CLUL1: variants seen among roughly 807,000 people sequenced by gnomAD.
The protein encoded by CLUL1 is clusterin like 1.
Under a neutral mutation model 49.4 loss-of-function variants are expected in CLUL1, and 43 were observed. The ratio of observed to expected loss-of-function variants is 0.87; its 90% confidence interval spans 0.68 to 1.12. The LOEUF (loss-of-function observed/expected upper bound fraction) is 1.12, where lower values mean the gene tolerates loss of function less well. CLUL1 is among the 50% of genes most tolerant of loss of function. The probability of loss-of-function intolerance (pLI) is 0.00; values close to 1 mark genes in which losing one functional copy is unlikely to be tolerated. For missense variants in CLUL1, 486 were observed against 544.4 expected (o/e 0.89, Z 1.07); for synonymous variants, 192 against 184.9 (o/e 1.04, Z -0.31).
intron 8 of CLUL1, among the ~76,000 whole-genome samples, chr18:642,200 G>C (rs1045287332): frequency 6.6e-6 from 1 of 152,204 alleles, no homozygotes; most frequent in Non-Finnish European, 1.5e-5. Context: ...GGAGGCTGAG[G>C]TGGGTGGATC....
At chr18:627,721 T>G (rs371003426) in intron 6 of CLUL1, 192 bp downstream of exon 6, 12 of 486,434 alleles carry the variant, frequency 2.5e-5, no homozygotes, top group African/African-American at 2.1e-4. Flanking sequence ...CCATCATCGT[T>G]GAGAACTGAA....
At chr18:601,272 C>T (rs546320593) in intron 1 of CLUL1, among the ~76,000 whole-genome samples, 1 of 152,274 alleles carries the variant, frequency 6.6e-6, no homozygotes, top group Non-Finnish European at 1.5e-5. Flanking sequence ...GAGATATTAG[C>T]CTGAACTCAG....
Position 649,983 on chromosome 18 carries a change from A to T in CLUL1, c.*82A>T, listed in dbSNP as rs2074633064. On this transcript the variant is annotated 3_prime_UTR_variant, in exon 10 of 10. Transcript: ENST00000692774. Reference sequence around the variant, plus strand: ...GGAAATCCTGAAATAAAAAAGGATAATGCAATAAACACAGTTGCAGGAAAG... The same window carrying T: ...GGAAATCCTGAAATAAAAAAGGATATTGCAATAAACACAGTTGCAGGAAAG... The T allele has an allele frequency of 2.1e-6, 2 of 971,814 alleles. No homozygotes were observed. Among genetic ancestry groups the T allele is most frequent in the South Asian group, 2.9e-5 (2 of 67,816 alleles). The allele number at this position is 971,814 out of a possible 1,614,324, so 60.2% of individuals were successfully genotyped here. A position where few individuals can be genotyped will look rare whatever the true frequency, so the allele number is the denominator to read the frequency against.
At position 606,950 on chromosome 18, in the gene CLUL1, C is replaced by A. The variant is rs1186629994; in HGVS notation, c.-135-28C>A. The A allele has an allele frequency of 3.3e-6, 2 of 602,046 alleles. No individual in the cohort carries two copies. Among genetic ancestry groups the A allele is most frequent in the South Asian group, 2.0e-5 (1 of 49,702 alleles). The allele number at this position is 602,046 out of a possible 1,614,324, so 37.3% of individuals were successfully genotyped here. ...AATTTTAGGCGGCTCCCTAAAATTTCTTTTCTTTTTTCTTTTCTTTTCTTT... is the reference window on the plus strand; with the variant it reads ...AATTTTAGGCGGCTCCCTAAAATTTATTTTCTTTTTTCTTTTCTTTTCTTT... On this transcript the variant is annotated intron_variant, in intron 1 of 9. Transcript: ENST00000692774. The surrounding 1 kb of genome is among the most constrained non-coding windows in gnomAD (Gnocchi z 4.1).
chr18:641,658 T>C, intron 8 of CLUL1, 117 bp downstream of exon 8: 1 of 851,236 alleles, frequency 1.2e-6, no homozygotes, highest in Non-Finnish European at 1.8e-6. Flanking sequence ...GGTATTCATA[T>C]TTCCATTGTG....
intron 5 of CLUL1, among the ~76,000 whole-genome samples, 161 bp from the exon 6 acceptor site, chr18:626,936 A>AG (rs1567966723): frequency 0.099 from 287 of 2,906 alleles, 92 homozygotes; most frequent in Middle Eastern, 0.5. Context: ...AGAAGGAAAG[A>AG]AGGAAAGAAG....
At chr18:617,064 T>C (rs1436543598) in intron 2 of CLUL1, among the ~76,000 whole-genome samples, 1 of 152,246 alleles carries the variant, frequency 6.6e-6, no homozygotes, top group African/African-American at 2.4e-5. Flanking sequence ...TTCTAACTTA[T>C]TTAACTTTTC....
intron 2 of CLUL1, chr18:613,046 G>T: frequency 3.1e-6 from 1 of 321,364 alleles, no homozygotes; most frequent in Non-Finnish European, 5.7e-6. Context: ...TTCTCATTTT[G>T]TATTCAAACT....
intron 6 of CLUL1, among the ~76,000 whole-genome samples, chr18:630,745 G>A (rs1368604834): frequency 8.0e-6 from 1 of 125,654 alleles, no homozygotes; most frequent in Non-Finnish European, 1.6e-5. Context: ...GGAGTGCAGT[G>A]GTGCGATCTT....
intron 2 of CLUL1, among the ~76,000 whole-genome samples, chr18:612,244 A>G (rs1009086109): frequency 6.6e-5 from 10 of 152,202 alleles, no homozygotes; most frequent in Non-Finnish European, 1.2e-4. Context: ...TCTTGCTTCA[A>G]AAAATGTATG....
chr18:619,541 G>C (rs1363896629), intron 4 of CLUL1, among the ~76,000 whole-genome samples, 180 bp downstream of exon 4: 1 of 152,138 alleles, frequency 6.6e-6, no homozygotes, highest in Non-Finnish European at 1.5e-5. Context: ...ATTTCGTGTA[G>C]GATAGGCTTC....
Position 645,061 on chromosome 18 carries a change from A to C in CLUL1, c.1361A>C (p.Lys454Thr), listed in dbSNP as rs1340019442. The C allele has an allele frequency of 6.2e-7, 1 of 1,610,826 alleles. No homozygotes were observed. The highest frequency in any genetic ancestry group is 1.3e-5 in the African/African-American group (1 of 74,826). ...SSNFIGYVVA[K>T]ALQHFKEHFK... Reference sequence around the variant, plus strand: ...AACTTCATTGGCTACGTAGTGGCAAAAGCTCTACAGCATTTTAAGGAACAT... The same window carrying C: ...AACTTCATTGGCTACGTAGTGGCAACAGCTCTACAGCATTTTAAGGAACAT... The change falls in exon 9 of 10, where the codon AAA (lysine) becomes ACA (threonine). Residue 454 changes from lysine to threonine, a missense_variant. By Grantham distance (78) the Lys-to-Thr change is moderately conservative (BLOSUM62 -1). Transcript: ENST00000692774.
chr18:636,657 G>A (rs552763733), intron 7 of CLUL1, among the ~76,000 whole-genome samples: 62 of 123,308 alleles, frequency 5.0e-4, no homozygotes, highest in Non-Finnish European at 8.7e-4. Flanking sequence ...CCAGAGTCTC[G>A]CTCTGTCGCC....
intron 2 of CLUL1, among the ~76,000 whole-genome samples, chr18:616,503 T>C (rs1451728310): frequency 6.6e-6 from 1 of 152,208 alleles, no homozygotes; most frequent in Non-Finnish European, 1.5e-5. Context: ...CAAAACACAT[T>C]TGTATATAGG....
At chr18:640,267 G>A (rs548330488) in intron 7 of CLUL1, among the ~76,000 whole-genome samples, 3 of 151,878 alleles carry the variant, frequency 2.0e-5, no homozygotes, top group Non-Finnish European at 4.4e-5. Flanking sequence ...AAAATTAGCC[G>A]GGCATGGTGG....
At chr18:640,332 C>T (rs1164947747) in intron 7 of CLUL1, among the ~76,000 whole-genome samples, 1 of 151,856 alleles carries the variant, frequency 6.6e-6, no homozygotes, top group African/African-American at 2.4e-5. Flanking sequence ...ACCACTTGAG[C>T]CCAGGAGTTC....
At chr18:620,766 TGCCACA>T (rs2073468464) in intron 4 of CLUL1, among the ~76,000 whole-genome samples, 1 of 152,238 alleles carries the variant, frequency 6.6e-6, no homozygotes, top group Non-Finnish European at 1.5e-5. Context: ...ATTGTTCATA[TGCCACA>T]GTATAAAGTT....
intron 7 of CLUL1, among the ~76,000 whole-genome samples, chr18:639,143 A>T (rs937281767): frequency 3.5e-5 from 4 of 114,178 alleles, no homozygotes; most frequent in African/African-American, 1.9e-4. Context: ...CATGCTTCAT[A>T]CAGCCGGGTG....
chr18:640,438 A>G (rs2074310352), intron 7 of CLUL1, among the ~76,000 whole-genome samples: 2 of 143,232 alleles, frequency 1.4e-5, no homozygotes, highest in Admixed American at 7.0e-5. Flanking sequence ...AAAGAAAAAG[A>G]AACAAAAGGA....
Sources: allele counts gnomAD v4.1 joint callset (sites outside exome capture counted in the v4.1 genomes callset), GRCh38; gene constraint gnomAD v4.1.1; non-coding constraint Gnocchi (gnomAD v3.1); transcripts MANE v1.5; gene names NCBI Gene and HGNC (gene_info 2026-07-23, HGNC 2026-07-21).